Variants in OTOP1 observed in about 807,000 individuals in gnomAD.
The protein encoded by OTOP1 is proton channel OTOP1.
OTOP1 carries 59 observed loss-of-function variants against 52.9 expected under a neutral mutation model. The observed-to-expected ratio is 1.12, with a 90% CI of 0.91 to 1.39. OTOP1 has a LOEUF of 1.39. OTOP1 is among the 40% of genes most tolerant of loss of function. The pLI is 0.00. For missense variants in OTOP1, 761 were observed against 800.9 expected (o/e 0.95, Z 0.60); for synonymous variants, 317 against 337.7 (o/e 0.94, Z 0.67).
intron 3 of OTOP1, among the ~76,000 whole-genome samples, chr4:4,205,528 C>T (rs1281796285): frequency 6.6e-6 from 1 of 152,172 alleles, no homozygotes; most frequent in Non-Finnish European, 1.5e-5. Flanking sequence ...ATAAGAAAAT[C>T]TGGGAGCAAA....
intron 2 of OTOP1, among the ~76,000 whole-genome samples, chr4:4,212,471 C>T (rs1311714062): frequency 6.6e-6 from 1 of 152,160 alleles, no homozygotes; most frequent in African/African-American, 2.4e-5. Flanking sequence ...GCAACTGTTG[C>T]ATAACTCTAT....
chr4:4,211,385 C>T lies in OTOP1; in HGVS notation c.540+1483G>A, dbSNP rs139182138. On this transcript the variant is annotated intron_variant, in intron 2 of 5. Transcript: ENST00000296358. ...GGTGACTTGTCAGGAAGAAAATAAT[C>T]ATTGTGTCTCCGCAGTGACTCTGAG... Among the ~76,000 whole-genome samples, 886 of 152,232 alleles carry T rather than the reference C, an allele frequency of 5.8e-3. 12 individuals carry two copies. Among genetic ancestry groups the T allele is most frequent in the African/African-American group, 0.02 (831 of 41,542 alleles).
chr4:4,193,361 C>T (rs1277537294), intron 5 of OTOP1, among the ~76,000 whole-genome samples: 2 of 152,216 alleles, frequency 1.3e-5, no homozygotes, highest in Non-Finnish European at 2.9e-5. Flanking sequence ...CCACACCCAC[C>T]GTCTGTTGTC....
chr4:4,190,150 G>A (rs1254407244), intron 5 of OTOP1, among the ~76,000 whole-genome samples: 33 of 152,172 alleles, frequency 2.2e-4, no homozygotes, highest in Admixed American at 2.2e-3. Context: ...ACCTGCGGCT[G>A]TGGATTGAAC....
chr4:4,212,649 T>C (rs1366874855), intron 2 of OTOP1, among the ~76,000 whole-genome samples: 1 of 152,212 alleles, frequency 6.6e-6, no homozygotes, highest in African/African-American at 2.4e-5. Context: ...AAGTTCTGCC[T>C]CATAGGATCC....
intron 1 of OTOP1, among the ~76,000 whole-genome samples, chr4:4,214,524 T>G (rs1180154620): frequency 6.6e-6 from 1 of 152,122 alleles, no homozygotes; most frequent in African/African-American, 2.4e-5. Context: ...CAGCATTATT[T>G]TCAGTATCCA....
At chr4:4,205,569 T>C (rs1400770823) in intron 3 of OTOP1, among the ~76,000 whole-genome samples, 4 of 152,204 alleles carry the variant, frequency 2.6e-5, no homozygotes, top group Non-Finnish European at 1.5e-5. Context: ...ATAGGATTTA[T>C]GGCTCTTTGT....
At chr4:4,202,383 G>A in intron 4 of OTOP1, 65 bp downstream of exon 4, 2 of 1,602,248 alleles carry the variant, frequency 1.2e-6, no homozygotes, top group Non-Finnish European at 1.7e-6. Context: ...GAACTCTGTG[G>A]ACTCTGCAGG....
chr4:4,206,652 G>A (rs1458758234), intron 2 of OTOP1, among the ~76,000 whole-genome samples: 1 of 152,154 alleles, frequency 6.6e-6, no homozygotes, highest in African/African-American at 2.4e-5. Flanking sequence ...CAGCATACGG[G>A]GAAGGGACTG....
At chr4:4,195,559 T>G (rs999746237) in intron 5 of OTOP1, among the ~76,000 whole-genome samples, 1 of 152,138 alleles carries the variant, frequency 6.6e-6, no homozygotes, top group Non-Finnish European at 1.5e-5. Flanking sequence ...CTCATGACCA[T>G]GCGGCAACAA....
At chr4:4,225,180 C>T (rs895904423) in intron 1 of OTOP1, among the ~76,000 whole-genome samples, 1 of 152,224 alleles carries the variant, frequency 6.6e-6, no homozygotes, top group African/African-American at 2.4e-5. Context: ...CACTTGGCCT[C>T]TCCTGGGAAG....
chr4:4,197,875 G>T lies in OTOP1; in HGVS notation c.959C>A (p.Thr320Asn), dbSNP rs761730099. ...CACAGCAATGGTGGCGGCCAGCACG[G>T]TCAGGCCCAGGACTGCGCCCACCAT... Reference protein sequence around the residue: ...GVMVGAVLGLTVLAATIAVVV... With the variant: ...GVMVGAVLGLNVLAATIAVVV... The change falls in exon 5 of 6, where the codon ACC becomes AAC. Residue 320 changes from threonine (T) to asparagine (N), a missense_variant. By Grantham distance (65) the Thr-to-Asn change is moderately conservative. Transcript: ENST00000296358. 9 of 1,614,102 alleles carry T rather than the reference G, an allele frequency of 5.6e-6. No individual in the cohort carries two copies. Among genetic ancestry groups the T allele is most frequent in the Non-Finnish European group, 6.8e-6 (8 of 1,180,020 alleles).
chr4:4,190,582 C>T (rs1716480101), intron 5 of OTOP1, among the ~76,000 whole-genome samples: 1 of 152,352 alleles, frequency 6.6e-6, no homozygotes, highest in Admixed American at 6.5e-5. Context: ...AGTATAACAA[C>T]TATTTACATA....
At chr4:4,225,458 A>G (rs575453958) in intron 1 of OTOP1, among the ~76,000 whole-genome samples, 1 of 151,570 alleles carries the variant, frequency 6.6e-6, no homozygotes, top group South Asian at 2.1e-4. Context: ...AGTTCCAGCT[A>G]TTCAGGAGGC....
At chr4:4,222,417 C>T (rs1439282349) in intron 1 of OTOP1, among the ~76,000 whole-genome samples, 1 of 151,998 alleles carries the variant, frequency 6.6e-6, no homozygotes, top group Non-Finnish European at 1.5e-5. Context: ...ACTGACCCTC[C>T]TTTTGCTCCT....
At position 4,197,507 on chromosome 4, in the gene OTOP1, T is replaced by C; in HGVS notation, c.1327A>G (p.Ile443Val). The C allele has an allele frequency of 6.2e-7, 1 of 1,613,932 alleles. No individual in the cohort carries two copies. The change falls in exon 5 of 6, where the codon ATC becomes GTC. Residue 443 changes from isoleucine to valine, a missense_variant. Coordinates refer to ENST00000296358, the MANE Select transcript of OTOP1 (RefSeq NM_177998.3). ...GGCTCTCGGTGAATGGATTCAAAGATGAAGAGGTTCTGGATGTACTTCTCC... is the reference window on the plus strand; with the variant it reads ...GGCTCTCGGTGAATGGATTCAAAGACGAAGAGGTTCTGGATGTACTTCTCC... The part of the protein sequence containing the change: ...IVEKYIQNLF[I>V]FESIHREPEK...
Position 4,197,709 on chromosome 4 carries a change from G to A in OTOP1, c.1125C>T (p.Asp375=), listed in dbSNP as rs539020363. The A allele has an allele frequency of 8.1e-5, 131 of 1,613,790 alleles. No homozygotes were observed. The highest frequency in any genetic ancestry group is 3.3e-4 in the Middle Eastern group (2 of 6,024). ...GLAGIRIYRI[D]EKSLDESKNP... is the part of the protein sequence containing the mutation. ...TTTTGGACTCATCCAGTGACTTCTCGTCTATCCTGTAAATCCGGATTCCAG... is the reference window on the plus strand; with the variant it reads ...TTTTGGACTCATCCAGTGACTTCTCATCTATCCTGTAAATCCGGATTCCAG... Residue 375 remains aspartate, a synonymous_variant, in exon 5 of 6, where the codon GAC becomes GAT. Transcript: ENST00000296358.
At chr4:4,218,508 G>A (rs1717197300) in intron 1 of OTOP1, among the ~76,000 whole-genome samples, 1 of 152,044 alleles carries the variant, frequency 6.6e-6, no homozygotes, top group Non-Finnish European at 1.5e-5. Context: ...GGAATAGGGA[G>A]GCAAACGTAC....
chr4:4,193,760 T>C (rs531857043), intron 5 of OTOP1, among the ~76,000 whole-genome samples: 27 of 152,312 alleles, frequency 1.8e-4, no homozygotes, highest in African/African-American at 6.5e-4. Flanking sequence ...AGACCATCAG[T>C]TGCCACTTGA....
Sources: allele counts gnomAD v4.1 joint callset (sites outside exome capture counted in the v4.1 genomes callset), GRCh38; gene constraint gnomAD v4.1.1; transcripts MANE v1.5; gene names NCBI Gene and HGNC (gene_info 2026-07-23, HGNC 2026-07-21).